The following SNRPD2 variants were observed in gnomAD, a reference collection of about 807,000 sequenced individuals.
The protein encoded by SNRPD2 is small nuclear ribonucleoprotein Sm D2.
Under a neutral mutation model 11.5 loss-of-function variants are expected in SNRPD2, and 1 was observed. The observed-to-expected ratio is 0.09, with a 90% confidence interval of 0.03 to 0.41. SNRPD2 has a LOEUF of 0.41. Among genes scored for constraint, SNRPD2 ranks in the 10% least tolerant of loss-of-function variants. The probability of loss-of-function intolerance (pLI) is 0.98; values close to 1 mark genes in which losing one functional copy is unlikely to be tolerated. For missense variants in SNRPD2, 77 were observed against 154.9 expected (o/e 0.50, Z 2.67); for synonymous variants, 63 against 61.5 (o/e 1.02, Z -0.12).
chr19:45,691,708 G>T, intron 1 of SNRPD2, 179 bp downstream of exon 1: 1 of 770,062 alleles, frequency 1.3e-6, no homozygotes, highest in Non-Finnish European at 2.3e-6. Context: ...CTCTCCCGAA[G>T]TCACGATGCG....
chr19:45,691,864 G>T, intron 1 of SNRPD2, 23 bp downstream of exon 1: 1 of 1,613,212 alleles, frequency 6.2e-7, no homozygotes, highest in African/African-American at 1.3e-5. Context: ...CATTCCCGCC[G>T]CCTAAGCCTA....
intron 1 of SNRPD2, among the ~76,000 whole-genome samples, chr19:45,689,804 C>T (rs928734114): frequency 1.3e-5 from 2 of 151,494 alleles, no homozygotes; most frequent in African/African-American, 4.9e-5. Context: ...GAGGCCGACG[C>T]GAGGTGGATC....
rs375586683 is a variant in SNRPD2, at chr19:45,690,254, C to T, written c.2+1633G>A. Among the ~76,000 whole-genome samples, 10 of 148,112 alleles carry T rather than the reference C, an allele frequency of 6.8e-5. No homozygotes were observed. In the East Asian group the frequency reaches 1.8e-3, roughly 27 times the overall value. On this transcript the variant is annotated intron_variant, in intron 1 of 2. Transcript: ENST00000342669. ...GCTGAGGCAGGAGAATGGCGTGAAC[C>T]CCAGGGGGCGGAGGCTGCAGTGAGC...
rs906859658 is a variant in SNRPD2 at position 45,689,147 on chromosome 19, C to T, written c.3-581G>A. On this transcript the variant is annotated intron_variant, in intron 1 of 2. Transcript: ENST00000342669. ...TGATGGTAACTCCATCCTTCTAGTT[C>T]TCTGGGCAAAAACTCTTTTGTCAAC... The T allele has an allele frequency of 1.9e-5, 10 of 516,288 alleles. No individual in the cohort carries two copies. The East Asian group carries it at 3.3e-4, about 17-fold the overall frequency. The allele number at this position is 516,288 out of a possible 1,614,324, so 32.0% of individuals were successfully genotyped here.
intron 1 of SNRPD2, among the ~76,000 whole-genome samples, chr19:45,690,402 G>A (rs1200950760): frequency 6.6e-6 from 1 of 151,376 alleles, no homozygotes; most frequent in Non-Finnish European, 1.5e-5. Context: ...TTTGAAGGCT[G>A]AGGCAGGAAG....
chr19:45,689,624 T>C (rs113003384), intron 1 of SNRPD2, among the ~76,000 whole-genome samples: 34 of 152,254 alleles, frequency 2.2e-4, no homozygotes, highest in Non-Finnish European at 4.0e-4. Flanking sequence ...AGTAGAAGAA[T>C]TGCTTGAACT....
rs757160770 is a variant in SNRPD2 at position 45,691,915 on chromosome 19, C to G, written c.-27G>C. On this transcript the variant is annotated 5_prime_UTR_variant, in exon 1 of 3. Coordinates refer to ENST00000342669, the MANE Select transcript of SNRPD2 (RefSeq NM_001384647.1). ...ATGGTCACTACGCTCTCCGTTCACT[C>G]CCGTTTCCTCCGCGTTGCTGCTGCC... is the stretch of plus-strand genomic sequence containing the variant. 15 of 1,614,134 alleles carry G rather than the reference C, an allele frequency of 9.3e-6. No homozygotes were observed. In the South Asian group the frequency reaches 1.5e-4, roughly 17 times the overall value.
In SNRPD2 at chr19:45,691,916, C is replaced by T. The variant is rs765051889; in HGVS notation, c.-28G>A. On this transcript the variant is annotated 5_prime_UTR_variant, in exon 1 of 3. Coordinates refer to ENST00000342669, the MANE Select transcript of SNRPD2 (RefSeq NM_001384647.1). ...TGGTCACTACGCTCTCCGTTCACTCCCGTTTCCTCCGCGTTGCTGCTGCCT... is the reference window on the plus strand; with the variant it reads ...TGGTCACTACGCTCTCCGTTCACTCTCGTTTCCTCCGCGTTGCTGCTGCCT... The T allele has an allele frequency of 1.9e-6, 3 of 1,614,152 alleles. No individual in the cohort carries two copies. The highest frequency in any genetic ancestry group is 1.1e-5 in the South Asian group (1 of 91,086).
Position 45,687,497 on chromosome 19 carries a change from A to G in SNRPD2, c.*56T>C. 1 of 1,488,638 alleles carries G rather than the reference A, an allele frequency of 6.7e-7. No homozygotes were observed. Among genetic ancestry groups the G allele is most frequent in the African/African-American group, 1.4e-5 (1 of 72,462 alleles). The allele number at this position is 1,488,638 out of a possible 1,614,324, so 92.2% of individuals were successfully genotyped here. A position where few individuals can be genotyped will look rare whatever the true frequency, so the allele number is the denominator to read the frequency against. ...CAGAGCTTTATTATTCTCAACACCA[A>G]TGGCAGCGGTCTTCATAGGACAGAG... On this transcript the variant is annotated 3_prime_UTR_variant, in exon 3 of 3. Coordinates refer to ENST00000342669, the MANE Select transcript of SNRPD2 (RefSeq NM_001384647.1). This position sits in a 1 kb window ranked among gnomAD's most constrained non-coding sequence, Gnocchi z 4.1.
chr19:45,689,361 T>C, intron 1 of SNRPD2: 1 of 498,618 alleles, frequency 2.0e-6, no homozygotes, highest in Non-Finnish European at 4.0e-6. Flanking sequence ...AATCATAACA[T>C]GTCACTCTTC....
Position 45,689,579 on chromosome 19 carries a change from T to C in SNRPD2, c.3-1013A>G, listed in dbSNP as rs1967486855. Among the ~76,000 whole-genome samples, 4 of 152,088 alleles carry C rather than the reference T, an allele frequency of 2.6e-5. No homozygotes were observed. In the South Asian group the frequency reaches 8.3e-4, roughly 32 times the overall value. ...ACAGAAAATTAGCCAGGCGTGGTGG[T>C]GCACGCCTGTAATCTCAGCTACTCG... On this transcript the variant is annotated intron_variant, in intron 1 of 2. Coordinates refer to ENST00000342669, the MANE Select transcript of SNRPD2 (RefSeq NM_001384647.1).
chr19:45,689,384 G>C lies in SNRPD2; in HGVS notation c.3-818C>G. Reference sequence around the variant, plus strand: ...CATGTCACTCTTCAAAACCCTCCCAGGGTATGGGTACAGTGGCTCATGCCT... The same window carrying C: ...CATGTCACTCTTCAAAACCCTCCCACGGTATGGGTACAGTGGCTCATGCCT... On this transcript the variant is annotated intron_variant, in intron 1 of 2. Coordinates refer to ENST00000342669, the MANE Select transcript of SNRPD2 (RefSeq NM_001384647.1). 4 of 451,158 alleles carry C rather than the reference G, an allele frequency of 8.9e-6. No homozygotes were observed. In the Admixed American group the frequency reaches 9.8e-5, roughly 11 times the overall value. The allele number at this position is 451,158 out of a possible 1,614,324, so 27.9% of individuals were successfully genotyped here. A position where few individuals can be genotyped will look rare whatever the true frequency, so the allele number is the denominator to read the frequency against.
At chr19:45,689,693 C>T (rs1967489304) in intron 1 of SNRPD2, among the ~76,000 whole-genome samples, 1 of 152,076 alleles carries the variant, frequency 6.6e-6, no homozygotes, top group Non-Finnish European at 1.5e-5. Flanking sequence ...GCCTGGGTGA[C>T]AGAGCGAGAC....
chr19:45,692,013 A>G (rs1299887318), upstream of SNRPD2: 18 of 1,607,038 alleles, frequency 1.1e-5, no homozygotes, highest in Non-Finnish European at 4.3e-6. Context: ...CCAACCAGTA[A>G]GTGGAGGCGT....
At chr19:45,690,400 C>T (rs1967507526) in intron 1 of SNRPD2, among the ~76,000 whole-genome samples, 1 of 150,336 alleles carries the variant, frequency 6.7e-6, no homozygotes, top group Admixed American at 6.7e-5. Flanking sequence ...ACTTTGAAGG[C>T]TGAGGCAGGA....
chr19:45,691,124 G>A (rs1258145441), intron 1 of SNRPD2, among the ~76,000 whole-genome samples: 1 of 151,944 alleles, frequency 6.6e-6, no homozygotes, highest in Non-Finnish European at 1.5e-5. Context: ...CCCATTATTC[G>A]TTTTATTTCT....
intron 1 of SNRPD2, among the ~76,000 whole-genome samples, chr19:45,691,129 ATTTCT>A (rs1278267060): frequency 6.6e-6 from 1 of 151,906 alleles, no homozygotes; most frequent in East Asian, 1.9e-4. Context: ...TATTCGTTTT[ATTTCT>A]TTTGTTTCGT....
chr19:45,692,077 T>C (rs1967576905), upstream of SNRPD2: 3 of 1,502,736 alleles, frequency 2.0e-6, no homozygotes, highest in African/African-American at 2.8e-5. Flanking sequence ...GAATAAAAGC[T>C]TCGGGTAGGG....
intron 1 of SNRPD2, 87 bp downstream of exon 1, chr19:45,691,800 C>CT: frequency 6.5e-7 from 1 of 1,531,868 alleles, no homozygotes; most frequent in Non-Finnish European, 9.0e-7. Context: ...CCTGCCCCCC[C>CT]CGCTCTGCTC....
Sources: gnomAD v4.1 joint callset for allele counts (sites outside exome capture counted in the v4.1 genomes callset) on GRCh38, gnomAD v4.1.1 for gene constraint, Gnocchi (gnomAD v3.1) non-coding constraint, MANE v1.5 for transcripts, NCBI Gene and HGNC (gene_info 2026-07-23, HGNC 2026-07-21) for gene names.